The following FREM2 variants were observed in gnomAD, a reference collection of about 807,000 sequenced individuals.
The protein encoded by FREM2 is FRAS1-related extracellular matrix protein 2.
FREM2 carries 119 observed loss-of-function variants against 219.9 expected under a neutral mutation model. The ratio of observed to expected loss-of-function variants is 0.54; its 90% CI spans 0.47 to 0.63. The LOEUF is 0.63. Ranked by LOEUF, FREM2 falls within the 30% of genes least tolerant of loss-of-function variation. The probability of loss-of-function intolerance (pLI) is 0.00; values close to 1 mark genes in which losing one functional copy is unlikely to be tolerated. For synonymous variants in FREM2, 1,562 were observed against 1,522.8 expected (o/e 1.03, Z -0.60); for missense variants, 4,030 against 3,993.6 (o/e 1.01, Z -0.25).
intron 2 of FREM2, among the ~76,000 whole-genome samples, chr13:38,699,529 T>C (rs1870257252): frequency 6.6e-6 from 1 of 152,150 alleles, no homozygotes. Context: ...AGATTGTCTT[T>C]ATGGAAGTAG....
In FREM2 at chr13:38,851,757, A is replaced by T; in HGVS notation, c.6814A>T (p.Ile2272Leu). 6.2e-7 allele frequency: 1 copy of T among 1,613,710 alleles called. No individual in the cohort carries two copies. Among genetic ancestry groups the T allele is most frequent in the Non-Finnish European group, 8.5e-7 (1 of 1,179,622 alleles). The change falls in exon 11 of 24, where the codon ATA (isoleucine) becomes TTA (leucine). Residue 2272 changes from isoleucine (I) to leucine (L), a missense_variant. Physicochemically the swap from Ile to Leu is conservative, Grantham distance 5 (BLOSUM62 2). Coordinates refer to ENST00000280481, the MANE Select transcript of FREM2 (RefSeq NM_207361.6). ...EPKEPGESVV[I>L]RIPVIRQGDT... Reference sequence around the variant, plus strand: ...CAAAGAACCTGGAGAGTCGGTGGTTATAAGAATTCCAGTGATTCGCCAAGG... The same window carrying T: ...CAAAGAACCTGGAGAGTCGGTGGTTTTAAGAATTCCAGTGATTCGCCAAGG...
chr13:38,816,921 T>A (rs1402260979), intron 6 of FREM2, among the ~76,000 whole-genome samples: 7 of 152,098 alleles, frequency 4.6e-5, no homozygotes, highest in African/African-American at 1.7e-4. Context: ...TTCTATATGC[T>A]CTTAGTGAAC....
intron 2 of FREM2, among the ~76,000 whole-genome samples, chr13:38,728,961 A>G (rs1307107507): frequency 1.3e-5 from 2 of 152,030 alleles, no homozygotes; most frequent in Admixed American, 1.3e-4. Context: ...TCAGCCTCCC[A>G]AGTAGCTGGG....
chr13:38,769,472 C>A, intron 3 of FREM2, 106 bp from the exon 4 acceptor site: 1 of 976,758 alleles, frequency 1.0e-6, no homozygotes, highest in Non-Finnish European at 1.6e-6. Context: ...AAAGCAGGAT[C>A]AACTTTGCTT....
intron 6 of FREM2, among the ~76,000 whole-genome samples, chr13:38,846,047 T>C (rs1877140615): frequency 6.6e-6 from 1 of 152,154 alleles, no homozygotes. Context: ...AATCATATAT[T>C]CAGTCTAGTT....
chr13:38,876,528 G>A (rs1000020863), intron 20 of FREM2, 146 bp downstream of exon 20: 1 of 743,528 alleles, frequency 1.3e-6, no homozygotes, highest in East Asian at 2.7e-5. Context: ...AAGGAAGCTA[G>A]GGATAAAAGA....
chr13:38,690,306 C>T lies in FREM2; in HGVS notation c.2962C>T (p.Pro988Ser), dbSNP rs751447288. The change falls in exon 1 of 24, where the codon CCA becomes TCA. Residue 988 changes from proline (P) to serine (S), a missense_variant. By Grantham distance (74) the Pro-to-Ser change is moderately conservative (BLOSUM62 -1). Coordinates refer to ENST00000280481, the MANE Select transcript of FREM2 (RefSeq NM_207361.6). ...GATGTTGACTTTCCTCTTGGAAGAT[C>T]CACCTTTGTATGGGGAAATCTTGGT... ...DLMLTFLLED[P>S]PLYGEILVNG... 1.2e-6 allele frequency: 2 copies of T among 1,614,160 alleles called. No homozygotes were observed. Among genetic ancestry groups the T allele is most frequent in the South Asian group, 2.2e-5 (2 of 91,082 alleles).
Position 38,769,602 on chromosome 13 carries a change from C to CAGA in FREM2, c.5437_5439dup (p.Glu1813dup), listed in dbSNP as rs1566135549. The CAGA allele has an allele frequency of 1.9e-6, 3 of 1,613,970 alleles. No homozygotes were observed. The South Asian group carries it at 3.3e-5, about 18-fold the overall frequency. ...GGTATTGGCACAAGAGACAGAACTG[C>CAGA]AGAAAAAGACAAAGACTTCAAGGGC... On this transcript the variant is annotated inframe_insertion, in exon 4 of 24. Coordinates refer to ENST00000280481, the MANE Select transcript of FREM2 (RefSeq NM_207361.6).
intron 6 of FREM2, among the ~76,000 whole-genome samples, chr13:38,811,018 A>G (rs1445048470): frequency 6.6e-6 from 1 of 152,018 alleles, no homozygotes; most frequent in Admixed American, 6.6e-5. Flanking sequence ...ATTTCTACAC[A>G]GTTCAATCTT....
rs373638476 is a variant in FREM2 at position 38,690,359 on chromosome 13, T to C, written c.3015T>C (p.Thr1005=). ...LVNGIPAEQF[T]QRDILEGSVV... ...ATGGCATTCCAGCAGAGCAGTTTAC[T>C]CAAAGGGACATCTTGGAGGGCTCTG... The change falls in exon 1 of 24, where the codon ACT becomes ACC. Residue 1005 remains threonine, a synonymous_variant. Transcript: ENST00000280481. 23 of 1,614,236 alleles carry C rather than the reference T, an allele frequency of 1.4e-5. No individual in the cohort carries two copies. The highest frequency in any genetic ancestry group is 1.9e-5 in the Non-Finnish European group (23 of 1,180,042).
At chr13:38,709,108 A>G (rs372294534) in intron 2 of FREM2, among the ~76,000 whole-genome samples, 1 of 152,166 alleles carries the variant, frequency 6.6e-6, no homozygotes, top group East Asian at 1.9e-4. Flanking sequence ...ATGTTGTACA[A>G]ACTGTGCAGG....
At chr13:38,841,599 G>A (rs2137900740) in intron 6 of FREM2, among the ~76,000 whole-genome samples, 1 of 151,534 alleles carries the variant, frequency 6.6e-6, no homozygotes, top group South Asian at 2.1e-4. Context: ...AGTTCATTTT[G>A]ATTCACTTTT....
chr13:38,783,300 A>G, intron 5 of FREM2, 105 bp downstream of exon 5: 1 of 1,186,984 alleles, frequency 8.4e-7, no homozygotes, highest in Non-Finnish European at 1.3e-6. Context: ...ATACTTTATT[A>G]ATTTTCCATA....
intron 6 of FREM2, among the ~76,000 whole-genome samples, chr13:38,790,185 C>A (rs1874502092): frequency 6.6e-6 from 1 of 152,118 alleles, no homozygotes; most frequent in African/African-American, 2.4e-5. Context: ...TAGGCAGAAA[C>A]AACAAGCTCC....
chr13:38,754,981 C>G (rs147697415), intron 2 of FREM2, among the ~76,000 whole-genome samples: 9,720 of 151,546 alleles, frequency 0.064, 447 homozygotes, highest in Non-Finnish European at 0.099. Flanking sequence ...CAGCTCACTG[C>G]AACCTCTGCC....
intron 2 of FREM2, among the ~76,000 whole-genome samples, chr13:38,703,045 G>T (rs1039053059): frequency 3.9e-5 from 6 of 152,082 alleles, no homozygotes; most frequent in Admixed American, 1.3e-4. Context: ...TTAAGGTCAA[G>T]GCTTTTGAAT....
chr13:38,876,181 TCTG>T (rs1566175564), intron 19 of FREM2, 32 bp downstream of exon 19: 1 of 1,614,124 alleles, frequency 6.2e-7, no homozygotes, highest in Non-Finnish European at 8.5e-7. Flanking sequence ...TTAATTTTCT[TCTG>T]CTGCTGCCAT....
chr13:38,691,075 A>G lies in FREM2; in HGVS notation c.3731A>G (p.Asn1244Ser), dbSNP rs2138069802. ...GGTCACATCATGAATCAGCTGATAAATGGCACGGTTTTGGTCGAAAGCTTC... is the reference window on the plus strand; with the variant it reads ...GGTCACATCATGAATCAGCTGATAAGTGGCACGGTTTTGGTCGAAAGCTTC... ...THGHIMNQLI[N>S]GTVLVESFTL... The change falls in exon 1 of 24, where the codon AAT becomes AGT. Residue 1244 changes from asparagine to serine, a missense_variant. Coordinates refer to ENST00000280481, the MANE Select transcript of FREM2 (RefSeq NM_207361.6). 6.2e-7 allele frequency: 1 copy of G among 1,614,164 alleles called. No individual in the cohort carries two copies. The highest frequency in any genetic ancestry group is 2.2e-5 in the East Asian group (1 of 44,882).
chr13:38,781,573 C>G (rs145249520), intron 4 of FREM2, among the ~76,000 whole-genome samples: 1 of 152,030 alleles, frequency 6.6e-6, no homozygotes, highest in Non-Finnish European at 1.5e-5. Flanking sequence ...TCTGGCAAGT[C>G]GATGTCACCC....
Sources: allele counts gnomAD v4.1 joint callset (sites outside exome capture counted in the v4.1 genomes callset), GRCh38; gene constraint gnomAD v4.1.1; transcripts MANE v1.5; gene names NCBI Gene and HGNC (gene_info 2026-07-23, HGNC 2026-07-21).